DNAI2: variants seen among roughly 807,000 people sequenced by gnomAD.
DNAI2 encodes dynein, axonemal, intermediate polypeptide 2.
DNAI2 carries 63 observed loss-of-function variants against 74.7 expected under a neutral mutation model. The observed-to-expected ratio is 0.84, with a 90% CI of 0.69 to 1.04. DNAI2 has a LOEUF of 1.04. DNAI2 is among the 50% of genes least tolerant of loss of function. DNAI2 has a pLI of 0.00. For synonymous variants in DNAI2, 289 were observed against 314.9 expected (o/e 0.92, Z 0.87); for missense variants, 688 against 803.2 (o/e 0.86, Z 1.73).
chr17:74,297,019 G>A (rs2052484323), intron 6 of DNAI2, among the ~76,000 whole-genome samples: 1 of 152,164 alleles, frequency 6.6e-6, no homozygotes, highest in Non-Finnish European at 1.5e-5. Context: ...TGCTATTATG[G>A]AGGAGAGAAT....
At position 74,305,284 on chromosome 17, in the gene DNAI2, G is replaced by A. The variant is rs34392071; in HGVS notation, c.1053G>A (p.Thr351=). 8.6e-3 allele frequency: 13,891 copies of A among 1,614,122 alleles called. 996 individuals are homozygous for A. In the African/African-American group the frequency reaches 0.16, roughly 18 times the overall value. ...TCTCCTGCAACCGCAAGGCCAAGAC[G>A]TCAGCTGAAAAGATTGTGTGCACCT... ...IVISCNRKAK[T]SAEKIVCTFP... The change falls in exon 9 of 14, where the codon ACG becomes ACA. Residue 351 remains threonine (T), a synonymous_variant. Transcript: ENST00000311014.
Position 74,285,958 on chromosome 17 carries a change from C to CACAT in DNAI2, c.345+758_345+759insCATA, listed in dbSNP as rs1555608177. On this transcript the variant is annotated intron_variant, in intron 3 of 13. Transcript: ENST00000311014. Reference sequence around the variant, plus strand: ...GATGAGTGCCATATACACACACACACATATATATATATAGAGAGAGAGAGA... The same window carrying CACAT: ...GATGAGTGCCATATACACACACACACACATATATATATATATAGAGAGAGAGAGA... Among the ~76,000 whole-genome samples, 830 of 111,792 alleles carry CACAT rather than the reference C, an allele frequency of 7.4e-3. 6 individuals carry two copies. The highest frequency in any genetic ancestry group is 0.018 in the South Asian group (67 of 3,662). 73.3% of individuals were successfully genotyped at this position (111,792 alleles called of 152,430 possible).
chr17:74,312,933 G>A lies in DNAI2; in HGVS notation c.1722+703G>A, dbSNP rs372790528. On this transcript the variant is annotated intron_variant, in intron 12 of 13. Transcript: ENST00000311014. ...TGCCAAGATATGAAAGAGCCAAAGAGCAGCGTGGAAGGGAAAAGAAACAGC... is the reference window on the plus strand; with the variant it reads ...TGCCAAGATATGAAAGAGCCAAAGAACAGCGTGGAAGGGAAAAGAAACAGC... Among the ~76,000 whole-genome samples, 434 of 152,320 alleles carry A rather than the reference G, an allele frequency of 2.8e-3. 3 individuals are homozygous for A. The highest frequency in any genetic ancestry group is 9.9e-3 in the African/African-American group (413 of 41,550).
At chr17:74,286,897 C>G (rs1032626059) in intron 3 of DNAI2, 80 bp from the exon 4 acceptor site, 1 of 1,594,832 alleles carries the variant, frequency 6.3e-7, no homozygotes, top group African/African-American at 1.3e-5. Context: ...TGTCCTGTCC[C>G]TCCCAGACTC....
At chr17:74,313,565 T>G (rs1422658805) in intron 12 of DNAI2, among the ~76,000 whole-genome samples, 14 of 152,088 alleles carry the variant, frequency 9.2e-5, no homozygotes. Flanking sequence ...TTGTGACATA[T>G]GTCCCAAAAC....
intron 10 of DNAI2, chr17:74,309,646 C>T (rs1444503021): frequency 1.4e-6 from 1 of 695,950 alleles, no homozygotes; most frequent in South Asian, 1.5e-5. Flanking sequence ...GAAACAAAAG[C>T]AGGTACCCGG....
chr17:74,312,264 G>GA (rs1353870661), intron 12 of DNAI2, 34 bp downstream of exon 12: 11 of 506,534 alleles, frequency 2.2e-5, no homozygotes, highest in South Asian at 3.1e-5. Flanking sequence ...GTGGGTTGGG[G>GA]ACTGGGCGGG....
At position 74,274,269 on chromosome 17, in the gene DNAI2, G is replaced by C. The variant is rs1212251001; in HGVS notation, c.-88G>C. ...TGCCAAGCAACCGGTAAACGCCGCC[G>C]TTTGAGGAGCACCGGAGCCGCGACC... On this transcript the variant is annotated 5_prime_UTR_variant, in exon 1 of 14. Transcript: ENST00000311014. 7.3e-6 allele frequency: 1 copy of C among 137,872 alleles called. No individual in the cohort carries two copies. The highest frequency in any genetic ancestry group is 4.5e-4 in the East Asian group (1 of 2,218). 8.5% of individuals were successfully genotyped at this position (137,872 alleles called of 1,614,324 possible).
intron 11 of DNAI2, among the ~76,000 whole-genome samples, chr17:74,311,474 A>C (rs2053523740): frequency 6.6e-6 from 1 of 152,194 alleles, no homozygotes; most frequent in Non-Finnish European, 1.5e-5. Flanking sequence ...TTAGCCAGGC[A>C]TGGCGTCACA....
chr17:74,297,966 C>T (rs1033228820), intron 6 of DNAI2, among the ~76,000 whole-genome samples: 5 of 152,206 alleles, frequency 3.3e-5, no homozygotes, highest in African/African-American at 1.2e-4. Flanking sequence ...CCTAAGGCCC[C>T]GATCTCCCTC....
In DNAI2 at chr17:74,300,272, G is replaced by C. The variant is rs946835971; in HGVS notation, c.864+415G>C. Among the ~76,000 whole-genome samples the C allele has an allele frequency of 6.6e-6, 1 of 152,140 alleles. No individual in the cohort carries two copies. The highest frequency in any genetic ancestry group is 1.5e-5 in the Non-Finnish European group (1 of 68,022). On this transcript the variant is annotated intron_variant, in intron 7 of 13. Coordinates refer to ENST00000311014, the MANE Select transcript of DNAI2 (RefSeq NM_023036.6). The surrounding 1 kb of genome is among the most constrained non-coding windows in gnomAD (Gnocchi z 4.5). ...TAACACTTTATTTTTAAGTTGAGTA[G>C]TGATAATACATGCCCACGGAACAGA...
At chr17:74,277,326 A>G (rs1389063947) in intron 1 of DNAI2, among the ~76,000 whole-genome samples, 1 of 150,522 alleles carries the variant, frequency 6.6e-6, no homozygotes, top group East Asian at 2.0e-4. Context: ...CGGAGTTTGC[A>G]ATGAGCCTAG....
chr17:74,305,068 C>A, intron 8 of DNAI2, 151 bp from the exon 9 acceptor site: 1 of 772,002 alleles, frequency 1.3e-6, no homozygotes, highest in Non-Finnish European at 2.2e-6. Context: ...GTGGGGACTG[C>A]TCTCCAGGAG....
rs759506250 is a variant in DNAI2 at position 74,291,152 on chromosome 17, T to TTTTTTA, written c.724+37_724+42dup. The TTTTTTA allele has an allele frequency of 2.3e-5, 36 of 1,541,156 alleles. 1 individual carries two copies. In the Admixed American group the frequency reaches 5.2e-4, roughly 22 times the overall value. ...CAGATAGGTAAGGAGGGACCTAGGC[T>TTTTTTA]TTTTTATTTTTATTTTTATTTTTTT... On this transcript the variant is annotated intron_variant, in intron 6 of 13. Transcript: ENST00000311014.
chr17:74,293,940 C>T (rs766529645), intron 6 of DNAI2, among the ~76,000 whole-genome samples: 7 of 151,760 alleles, frequency 4.6e-5, no homozygotes, highest in South Asian at 2.1e-4. Flanking sequence ...CATGCCACCA[C>T]GCCCAGCTAA....
rs1351867996 is a variant in DNAI2, at chr17:74,314,860, A to C, written c.*327A>C. ...CTTTCTGTTATCCTAATTCTTGTAA[A>C]ATTAAATGAATCGTAACAATGCCAC... On this transcript the variant is annotated 3_prime_UTR_variant, in exon 14 of 14. Transcript: ENST00000311014. The C allele has an allele frequency of 6.0e-6, 1 of 165,502 alleles. No homozygotes were observed. The highest frequency in any genetic ancestry group is 1.3e-5 in the Non-Finnish European group (1 of 74,186). 10.3% of individuals were successfully genotyped at this position (165,502 alleles called of 1,614,324 possible).
Position 74,312,127 on chromosome 17 carries a change from A to T in DNAI2, c.1619A>T (p.Asp540Val), listed in dbSNP as rs794727074. Residue 540 changes from aspartate to valine, a missense_variant, in exon 12 of 14, where the codon GAC becomes GTC. Asp to Val is a radical substitution (Grantham distance 152). Transcript: ENST00000311014. ...EEQTDEELAV[D>V]LEALVSKAEE... is the part of the protein sequence containing the mutation. ...CAGACCGATGAGGAGCTGGCCGTAG[A>T]CCTGGAGGCGCTGGTCAGCAAGGCC... The T allele has an allele frequency of 1.2e-6, 2 of 1,613,678 alleles. No individual in the cohort carries two copies. The highest frequency in any genetic ancestry group is 1.7e-6 in the Non-Finnish European group (2 of 1,179,982).
rs9908476 is a variant in DNAI2, at chr17:74,312,152, C to T, written c.1644C>T (p.Ala548=). The change falls in exon 12 of 14, where the codon GCC becomes GCT. Residue 548 remains alanine (A), a synonymous_variant. Transcript: ENST00000311014. ...ACCTGGAGGCGCTGGTCAGCAAGGC[C>T]GAGGAGGAGTTCTTCGACATCATCT... The part of the protein sequence containing the change: ...AVDLEALVSK[A]EEEFFDIIFA... The T allele has an allele frequency of 2.8e-4, 449 of 1,612,580 alleles. No individual in the cohort carries two copies. The highest frequency in any genetic ancestry group is 2.7e-4 in the Non-Finnish European group (320 of 1,179,492).
chr17:74,277,859 A>G (rs988994195), intron 1 of DNAI2, among the ~76,000 whole-genome samples: 8 of 152,370 alleles, frequency 5.3e-5, no homozygotes, highest in Non-Finnish European at 1.0e-4. Flanking sequence ...GCTGGTTGAG[A>G]GATTAAGTTC....
Sources: gnomAD v4.1 joint callset for allele counts (sites outside exome capture counted in the v4.1 genomes callset) on GRCh38, gnomAD v4.1.1 for gene constraint, Gnocchi (gnomAD v3.1) non-coding constraint, MANE v1.5 for transcripts, NCBI Gene and HGNC (gene_info 2026-07-23, HGNC 2026-07-21) for gene names.